The following PAXIP1 variants were observed in gnomAD, a reference collection of about 807,000 sequenced individuals.
PAXIP1 encodes PAX interacting protein 1.
Under a neutral mutation model 140.6 loss-of-function variants are expected in PAXIP1, and 19 were observed. The observed-to-expected ratio is 0.14, with a 90% CI of 0.09 to 0.20. The LOEUF (loss-of-function observed/expected upper bound fraction) is 0.20, where lower values mean the gene tolerates loss of function less well. PAXIP1 is among the 10% of genes least tolerant of loss of function. The probability of loss-of-function intolerance (pLI) is 1.00; values close to 1 mark genes in which losing one functional copy is unlikely to be tolerated. For synonymous variants in PAXIP1, 442 were observed against 444.6 expected (o/e 0.99, Z 0.07); for missense variants, 920 against 1,208.6 (o/e 0.76, Z 3.54).
At chr7:154,945,663 G>C in intron 20 of PAXIP1, 2 of 985,394 alleles carry the variant, frequency 2.0e-6, no homozygotes, top group South Asian at 4.7e-5. Flanking sequence ...GAGAAGTCCT[G>C]AGAACAGCCC....
At chr7:154,996,071 A>AG (rs1275336651) in intron 2 of PAXIP1, among the ~76,000 whole-genome samples, 6 of 152,342 alleles carry the variant, frequency 3.9e-5, no homozygotes, top group Non-Finnish European at 7.3e-5. Context: ...CTTCCTATCA[A>AG]GGTAAAGGCC....
intron 8 of PAXIP1, chr7:154,965,733 C>T (rs1808982134): frequency 1.3e-5 from 2 of 152,208 alleles, no homozygotes; most frequent in South Asian, 4.1e-4. Context: ...AATACATATA[C>T]AAAATATGCG....
chr7:154,968,433 G>A lies in PAXIP1; in HGVS notation c.1768C>T (p.Gln590Ter). 6.5e-7 allele frequency: 1 copy of A among 1,546,568 alleles called. No homozygotes were observed. Among genetic ancestry groups the A allele is most frequent in the Non-Finnish European group, 8.8e-7 (1 of 1,142,364 alleles). ...ACTGCTGGATCATGTCCAAAAAGCT[G>A]ATGCTGCTGAGGCGATGGTGGTGGC... The part of the protein sequence containing the change: ...QQPPPSPQQH[Q>*]LFGHDPAVEI... The change falls in exon 7 of 21, where the codon CAG (glutamine) becomes TAG (stop). Residue 590 changes from glutamine to a stop codon, truncating the protein, a stop_gained. Coordinates refer to ENST00000404141, the MANE Select transcript of PAXIP1 (RefSeq NM_007349.4). LOFTEE classifies it high-confidence loss of function.
At chr7:154,962,069 TG>T (rs1419047296) in intron 10 of PAXIP1, among the ~76,000 whole-genome samples, 14 of 152,384 alleles carry the variant, frequency 9.2e-5, no homozygotes, top group African/African-American at 2.6e-4. Flanking sequence ...GATTTATTTT[TG>T]GATTTTAAAT....
Position 154,973,494 on chromosome 7 carries a change from C to T in PAXIP1, c.1074+2202G>A, listed in dbSNP as rs1358515554. 6.6e-6 allele frequency among the ~76,000 whole-genome samples: 1 copy of T among 152,200 alleles called. No homozygotes were observed. Among genetic ancestry groups the T allele is most frequent in the Admixed American group, 6.5e-5 (1 of 15,288 alleles). On this transcript the variant is annotated intron_variant, in intron 6 of 20. Coordinates refer to ENST00000404141, the MANE Select transcript of PAXIP1 (RefSeq NM_007349.4). The surrounding 1 kb of genome is among the most constrained non-coding windows in gnomAD (Gnocchi z 4.0). ...CCTCAAACCCGATGACCTTCTCTCTCTGCTCACCTTCTCCCCCACCATCTT... is the reference window on the plus strand; with the variant it reads ...CCTCAAACCCGATGACCTTCTCTCTTTGCTCACCTTCTCCCCCACCATCTT...
chr7:155,001,654 C>G (rs1435758570), intron 1 of PAXIP1: 1 of 152,160 alleles, frequency 6.6e-6, no homozygotes, highest in Admixed American at 6.5e-5. Context: ...CCCGCCACCA[C>G]GCCCGGCTAA....
At position 154,955,640 on chromosome 7, in the gene PAXIP1, G is replaced by A. The variant is rs1808472309; in HGVS notation, c.2550-9C>T. The A allele has an allele frequency of 3.5e-6, 5 of 1,436,030 alleles. No homozygotes were observed. In the Admixed American group the frequency reaches 1.1e-4, roughly 32 times the overall value. 89.0% of individuals were successfully genotyped at this position (1,436,030 alleles called of 1,614,324 possible). On this transcript the variant is annotated splice_polypyrimidine_tract_variant and intron_variant, in intron 14 of 20. Coordinates refer to ENST00000404141, the MANE Select transcript of PAXIP1 (RefSeq NM_007349.4). ...GTGGTACGTCTTCAATTCTGTGGAA[G>A]AAATACACATAAAATAGTAGTGATT...
chr7:154,995,651 A>G (rs1304028446), intron 2 of PAXIP1, among the ~76,000 whole-genome samples: 4 of 152,186 alleles, frequency 2.6e-5, no homozygotes, highest in African/African-American at 4.8e-5. Context: ...CAGGTTCGAG[A>G]CCAGCCTGGC....
chr7:154,960,902 T>G lies in PAXIP1; in HGVS notation c.2425A>C (p.Asn809His), dbSNP rs1466251071. 1 of 1,574,828 alleles carries G rather than the reference T, an allele frequency of 6.3e-7. No homozygotes were observed. Among genetic ancestry groups the G allele is most frequent in the Non-Finnish European group, 8.6e-7 (1 of 1,162,814 alleles). Residue 809 changes from asparagine (N) to histidine (H), a missense_variant, in exon 12 of 21, where the codon AAT becomes CAT. Around this residue, in one of 5 missense-constraint regions of PAXIP1, gnomAD observed 303 missense variants for 517.9 expected, o/e 0.59. Coordinates refer to ENST00000404141, the MANE Select transcript of PAXIP1 (RefSeq NM_007349.4). ...GTAGAATTTCACTTACCTAAAAGAT[T>G]TAAAACTAAATGCTGGGTAGGGGCA... ...PFAPTQHLVL[N>H]LLDAWRVPLK...
At chr7:154,945,500 C>T (rs1807918628) in intron 20 of PAXIP1, 3 of 985,198 alleles carry the variant, frequency 3.0e-6, no homozygotes, top group Admixed American at 6.1e-5. Flanking sequence ...GGGTATCATT[C>T]TGACCTCTGC....
At chr7:154,945,865 C>T in intron 20 of PAXIP1, 1 of 985,170 alleles carries the variant, frequency 1.0e-6, no homozygotes, top group Non-Finnish European at 1.2e-6. Flanking sequence ...AGAAAAAAGC[C>T]TAGGTGTCAA....
intron 3 of PAXIP1, among the ~76,000 whole-genome samples, chr7:154,992,876 CATG>C (rs1810411606): frequency 2.0e-5 from 3 of 152,272 alleles, no homozygotes; most frequent in Admixed American, 2.0e-4. Flanking sequence ...ATAAATATTT[CATG>C]ATAAGTTTCC....
chr7:155,000,883 G>A (rs1810856722), intron 1 of PAXIP1: 3 of 152,166 alleles, frequency 2.0e-5, no homozygotes, highest in Admixed American at 1.3e-4. Flanking sequence ...AAACCCAACT[G>A]AAATGACATC....
At chr7:154,948,573 TAAC>T (rs959210060) in intron 16 of PAXIP1, 1 of 150,498 alleles carries the variant, frequency 6.6e-6, no homozygotes, top group African/African-American at 2.4e-5. Flanking sequence ...TTTTTTTTTT[TAAC>T]AACAAAAATG....
intron 3 of PAXIP1, among the ~76,000 whole-genome samples, chr7:154,992,002 T>C (rs1205733395): frequency 6.6e-6 from 1 of 152,202 alleles, no homozygotes; most frequent in Non-Finnish European, 1.5e-5. Flanking sequence ...CTCTGAAGAC[T>C]GCAATGATAC....
intron 1 of PAXIP1, among the ~76,000 whole-genome samples, chr7:154,999,285 A>T (rs1810779445): frequency 6.6e-6 from 1 of 152,240 alleles, no homozygotes; most frequent in Non-Finnish European, 1.5e-5. Context: ...GAACAGGTGA[A>T]TACAGAGCAG....
rs1809535540 is a variant in PAXIP1 at position 154,975,634 on chromosome 7, T to C, written c.1074+62A>G. The C allele has an allele frequency of 3.4e-6, 4 of 1,160,178 alleles. No individual in the cohort carries two copies. The South Asian group carries it at 4.4e-5, about 13-fold the overall frequency. 71.9% of individuals were successfully genotyped at this position (1,160,178 alleles called of 1,614,324 possible). ...GCAAAACCAATAAACTACATTGAAA[T>C]AGACTGTGAAATCCAATTCTAAGAT... On this transcript the variant is annotated intron_variant, in intron 6 of 20. Coordinates refer to ENST00000404141, the MANE Select transcript of PAXIP1 (RefSeq NM_007349.4).
chr7:154,963,678 T>G lies in PAXIP1; in HGVS notation c.1982A>C (p.Tyr661Ser). Reference sequence around the variant, plus strand: ...TAAGGCTATTTTCCTTACCTGTGCATACGCGCTGCTGACTTGACTCTCACA... The same window carrying G: ...TAAGGCTATTTTCCTTACCTGTGCAGACGCGCTGCTGACTTGACTCTCACA... ...LLCESQVSSA[Y>S]AQAIRERKRC... Residue 661 changes from tyrosine to serine, a missense_variant, in exon 9 of 21, where the codon TAT (tyrosine) becomes TCT (serine). Physicochemically the swap from Tyr to Ser is moderately radical, Grantham distance 144 (BLOSUM62 -2). Around this residue, in one of 5 missense-constraint regions of PAXIP1, gnomAD observed 303 missense variants for 517.9 expected, o/e 0.59. Coordinates refer to ENST00000404141, the MANE Select transcript of PAXIP1 (RefSeq NM_007349.4). This position sits in a 1 kb window ranked among gnomAD's most constrained non-coding sequence, Gnocchi z 4.1. 1 of 1,611,796 alleles carries G rather than the reference T, an allele frequency of 6.2e-7. No individual in the cohort carries two copies. Among genetic ancestry groups the G allele is most frequent in the South Asian group, 1.1e-5 (1 of 90,724 alleles).
chr7:154,965,810 A>G (rs1284080112), intron 8 of PAXIP1: 1 of 152,248 alleles, frequency 6.6e-6, no homozygotes, highest in Non-Finnish European at 1.5e-5. Context: ...GGTTTTCGGG[A>G]ATCAAAAGTG....
Sources: allele counts gnomAD v4.1 joint callset (sites outside exome capture counted in the v4.1 genomes callset), GRCh38; gene constraint gnomAD v4.1.1; regional missense constraint gnomAD v4.1.1; non-coding constraint Gnocchi (gnomAD v3.1); transcripts MANE v1.5; gene names NCBI Gene and HGNC (gene_info 2026-07-23, HGNC 2026-07-21).